The following NBEAL2 variants were observed in gnomAD, a reference collection of about 807,000 sequenced individuals.
NBEAL2 encodes neurobeachin-like protein 2.
A neutral mutation model predicts 299.8 loss-of-function variants in NBEAL2; 160 were observed. That is an observed-to-expected ratio of 0.53 (90% CI 0.47 to 0.61). The LOEUF is 0.61. Among genes scored for constraint, NBEAL2 ranks in the 20% least tolerant of loss-of-function variants. NBEAL2 has a pLI of 0.00. For synonymous variants in NBEAL2, 1,493 were observed against 1,542.3 expected, an observed-to-expected ratio of 0.97 and a Z score of 0.75; for missense variants, 3,112 against 3,649.0, an observed-to-expected ratio of 0.85 and a Z score of 3.79.
At chr3:46,985,200 G>C (rs1272707851) in intron 1 of NBEAL2, among the ~76,000 whole-genome samples, 1 of 152,196 alleles carries the variant, frequency 6.6e-6, no homozygotes, top group Non-Finnish European at 1.5e-5. Context: ...GCGGGTTTGG[G>C]GTATGGAGGC....
At position 47,002,192 on chromosome 3, in the gene NBEAL2, G is replaced by A; in HGVS notation, c.5055G>A (p.Leu1685=). Residue 1685 remains leucine (L), a synonymous_variant, in exon 31 of 54, where the codon CTG becomes CTA. Coordinates refer to ENST00000450053, the MANE Select transcript of NBEAL2 (RefSeq NM_015175.3). ...AYEPLGLQWG[L]PSLPPTNGSP... is the part of the protein sequence containing the mutation. ...AGCCGCTGGGGCTGCAGTGGGGACT[G>A]CCCTCCCTGCCACCCACCAATGGCA... The A allele has an allele frequency of 6.6e-7, 1 of 1,524,132 alleles. No individual in the cohort carries two copies. Among genetic ancestry groups the A allele is most frequent in the South Asian group, 1.2e-5 (1 of 81,400 alleles). The allele number at this position is 1,524,132 out of a possible 1,614,324, so 94.4% of individuals were successfully genotyped here. A position where few individuals can be genotyped will look rare whatever the true frequency, so the allele number is the denominator to read the frequency against.
chr3:46,986,894 C>T (rs2035706869), intron 1 of NBEAL2, among the ~76,000 whole-genome samples: 1 of 152,192 alleles, frequency 6.6e-6, no homozygotes, highest in African/African-American at 2.4e-5. Context: ...CCCTGGCCAC[C>T]TCTGCTGTCT....
Position 46,988,842 on chromosome 3 carries a change from G to A in NBEAL2, c.141G>A (p.Arg47=), listed in dbSNP as rs1206777342. ...ACCCGTGTCTCCCCTTTCCTTGCAG[G>A]CCAGAGGAGGCAGGTGCAGAGGTCC... ...SISLSSLEPR[R]PEEAGAEVPL... The change falls in exon 3 of 54, where the codon AGG becomes AGA. Residue 47 remains arginine, a splice_region_variant and synonymous_variant. Coordinates refer to ENST00000450053, the MANE Select transcript of NBEAL2 (RefSeq NM_015175.3). This position sits in a 1 kb window ranked among gnomAD's most constrained non-coding sequence, Gnocchi z 4.4. 6.2e-7 allele frequency: 1 copy of A among 1,606,350 alleles called. No individual in the cohort carries two copies.
chr3:46,991,906 A>G lies in NBEAL2; in HGVS notation c.992A>G (p.Asn331Ser), dbSNP rs750729127. The G allele has an allele frequency of 1.2e-6, 2 of 1,603,910 alleles. No individual in the cohort carries two copies. The highest frequency in any genetic ancestry group is 1.3e-5 in the African/African-American group (1 of 74,706). Residue 331 changes from asparagine to serine, a missense_variant, in exon 9 of 54, where the codon AAT (asparagine) becomes AGT (serine). Asn to Ser is a conservative substitution (Grantham distance 46). Transcript: ENST00000450053. This position sits in a 1 kb window ranked among gnomAD's most constrained non-coding sequence, Gnocchi z 6.2. ...PVLQATFLSNNCFEHLTRLIQ... is the reference protein window; with the variant it reads ...PVLQATFLSNSCFEHLTRLIQ... Reference sequence around the variant, plus strand: ...CTGCAAGCCACCTTCCTCAGCAACAATTGCTTTGAACACCTCACTCGGCTC... The same window carrying G: ...CTGCAAGCCACCTTCCTCAGCAACAGTTGCTTTGAACACCTCACTCGGCTC...
Position 47,003,332 on chromosome 3 carries a change from T to C in NBEAL2, c.5720+23T>C. 6.2e-7 allele frequency: 1 copy of C among 1,604,902 alleles called. No individual in the cohort carries two copies. Among genetic ancestry groups the C allele is most frequent in the Non-Finnish European group, 8.5e-7 (1 of 1,175,656 alleles). ...CCCGTGAGTGGGGCCCTGGAGAGAT[T>C]GGACTGGTGTGGTGGGCAAGGGGTC... On this transcript the variant is annotated intron_variant, in intron 35 of 53. Coordinates refer to ENST00000450053, the MANE Select transcript of NBEAL2 (RefSeq NM_015175.3). This position sits in a 1 kb window ranked among gnomAD's most constrained non-coding sequence, Gnocchi z 7.0.
Position 46,988,540 on chromosome 3 carries a change from CT to C in NBEAL2, c.52-126del. 1.4e-6 allele frequency: 1 copy of C among 720,272 alleles called. No homozygotes were observed. The highest frequency in any genetic ancestry group is 2.4e-6 in the Non-Finnish European group (1 of 421,038). 44.6% of individuals were successfully genotyped at this position (720,272 alleles called of 1,614,324 possible). ...CCCTTCTCCACACCCTCCACTCTGC[CT>C]TTAACCCCTTGTCCATGCCCTCTGT... On this transcript the variant is annotated intron_variant, in intron 1 of 53. Transcript: ENST00000450053. This position sits in a 1 kb window ranked among gnomAD's most constrained non-coding sequence, Gnocchi z 4.4.
chr3:46,996,429 C>T lies in NBEAL2; in HGVS notation c.2310C>T (p.Ser770=), dbSNP rs867290897. ...VPASTGLGWG[S]GLVAPLQEGS... is the part of the protein sequence containing the mutation. ...CCTCCACAGGGCTTGGCTGGGGGTC[C>T]GGGCTGGTGGCCCCCCTGCAGGAGG... The change falls in exon 16 of 54, where the codon TCC becomes TCT. Residue 770 remains serine (S), a synonymous_variant. Transcript: ENST00000450053. 8.1e-6 allele frequency: 13 copies of T among 1,609,548 alleles called. No individual in the cohort carries two copies. The highest frequency in any genetic ancestry group is 6.7e-5 in the East Asian group (3 of 44,798).
chr3:46,984,221 G>A (rs1294889915), intron 1 of NBEAL2, among the ~76,000 whole-genome samples: 1 of 152,128 alleles, frequency 6.6e-6, no homozygotes, highest in Non-Finnish European at 1.5e-5. Context: ...CAGGAGAATG[G>A]TGTGAACCTG....
Position 46,992,630 on chromosome 3 carries a change from G to A in NBEAL2, c.1113+75G>A, listed in dbSNP as rs1275377327. On this transcript the variant is annotated intron_variant, in intron 10 of 53. Transcript: ENST00000450053. Reference sequence around the variant, plus strand: ...TGAGCTTTTCCTGCACTATAGCTGGGGAAATGAGCAGATGTGTGTAAGGCC... The same window carrying A: ...TGAGCTTTTCCTGCACTATAGCTGGAGAAATGAGCAGATGTGTGTAAGGCC... The A allele has an allele frequency of 3.6e-6, 5 of 1,375,046 alleles. No homozygotes were observed. In the Admixed American group the frequency reaches 6.0e-5, roughly 16 times the overall value. 85.2% of individuals were successfully genotyped at this position (1,375,046 alleles called of 1,614,324 possible). A position where few individuals can be genotyped will look rare whatever the true frequency, so the allele number is the denominator to read the frequency against.
rs531947508 is a variant in NBEAL2 at position 46,989,944 on chromosome 3, G to A, written c.556+351G>A. ...GCCTCCACGCATCTCCACCCATCCC[G>A]GAGACACAGGAGGTATCTCCACCTC... On this transcript the variant is annotated intron_variant, in intron 6 of 53. Coordinates refer to ENST00000450053, the MANE Select transcript of NBEAL2 (RefSeq NM_015175.3). This position sits in a 1 kb window ranked among gnomAD's most constrained non-coding sequence, Gnocchi z 5.5. Among the ~76,000 whole-genome samples, 5 of 152,184 alleles carry A rather than the reference G, an allele frequency of 3.3e-5. No individual in the cohort carries two copies. The highest frequency in any genetic ancestry group is 1.2e-4 in the African/African-American group (5 of 41,508).
chr3:46,985,441 A>G (rs2035614942), intron 1 of NBEAL2, among the ~76,000 whole-genome samples: 2 of 152,142 alleles, frequency 1.3e-5, no homozygotes, highest in South Asian at 4.1e-4. Flanking sequence ...CAATGTCACA[A>G]CCACCAGCCC....
At position 47,001,362 on chromosome 3, in the gene NBEAL2, C is replaced by T. The variant is rs775824336; in HGVS notation, c.4568C>T (p.Ala1523Val). Reference protein sequence around the residue: ...VGVLASLTQQALWLLRLLQDF... With the variant: ...VGVLASLTQQVLWLLRLLQDF... ...GTCCTGGCCAGCCTCACCCAGCAAG[C>T]GCTTTGGCTGCTGCGTCTGCTGCAG... The change falls in exon 29 of 54, where the codon GCG (alanine) becomes GTG (valine). Residue 1523 changes from alanine (A) to valine (V), a missense_variant. Ala to Val is a moderately conservative substitution (Grantham distance 64, BLOSUM62 0). This residue lies in a region of NBEAL2 where 2,243 missense variants were observed against 2,538.1 expected (regional missense o/e 0.88). Coordinates refer to ENST00000450053, the MANE Select transcript of NBEAL2 (RefSeq NM_015175.3). The surrounding 1 kb of genome is among the most constrained non-coding windows in gnomAD (Gnocchi z 6.1). The T allele has an allele frequency of 3.1e-6, 5 of 1,613,182 alleles. No homozygotes were observed. Among genetic ancestry groups the T allele is most frequent in the East Asian group, 2.2e-5 (1 of 44,876 alleles).
At chr3:46,980,300 A>G (rs1439198036) in intron 1 of NBEAL2, among the ~76,000 whole-genome samples, 1 of 151,774 alleles carries the variant, frequency 6.6e-6, no homozygotes, top group Non-Finnish European at 1.5e-5. Flanking sequence ...GGGGAGGGGG[A>G]CTCAATTTGT....
rs761462141 is a variant in NBEAL2, at chr3:47,002,961, A to G, written c.5464A>G (p.Thr1822Ala). 1.7e-5 allele frequency: 27 copies of G among 1,612,328 alleles called. No homozygotes were observed. Among genetic ancestry groups the G allele is most frequent in the South Asian group, 7.7e-5 (7 of 91,040 alleles). The change falls in exon 34 of 54, where the codon ACT becomes GCT. Residue 1822 changes from threonine (T) to alanine (A), a missense_variant. Thr to Ala is a moderately conservative substitution (Grantham distance 58). Transcript: ENST00000450053. ...SPCGAWALRD[T>A]PIPRWKLSSA... ...GACCTGGGGGACATTCTGCAGGGAC[A>G]CTCCCATCCCCCGCTGGAAACTGTC...
Position 47,000,356 on chromosome 3 carries a change from G to C in NBEAL2, c.4257G>C (p.Pro1419=). 10 of 1,598,494 alleles carry C rather than the reference G, an allele frequency of 6.3e-6. No homozygotes were observed. Among genetic ancestry groups the C allele is most frequent in the Non-Finnish European group, 6.8e-6 (8 of 1,169,852 alleles). Residue 1419 remains proline (P), a synonymous_variant, in exon 27 of 54, where the codon CCG becomes CCC. Coordinates refer to ENST00000450053, the MANE Select transcript of NBEAL2 (RefSeq NM_015175.3). The surrounding 1 kb of genome is among the most constrained non-coding windows in gnomAD (Gnocchi z 4.5). ...LSNVLEDGSL[P]EPTISGDDTS... is the part of the protein sequence containing the mutation. ...ATGTGCTGGAGGACGGCAGCCTCCCGGAGCCCACCATTAGCGGGGATGATA... is the reference window on the plus strand; with the variant it reads ...ATGTGCTGGAGGACGGCAGCCTCCCCGAGCCCACCATTAGCGGGGATGATA...
chr3:46,991,938 A>T lies in NBEAL2; in HGVS notation c.1024A>T (p.Asn342Tyr). Residue 342 changes from asparagine to tyrosine, a missense_variant, in exon 9 of 54, where the codon AAC (asparagine) becomes TAC (tyrosine). Coordinates refer to ENST00000450053, the MANE Select transcript of NBEAL2 (RefSeq NM_015175.3). The surrounding 1 kb of genome is among the most constrained non-coding windows in gnomAD (Gnocchi z 6.2). ...CFEHLTRLIQ[N>Y]SKLYLQSRAP... is the part of the protein sequence containing the mutation. ...TGAACACCTCACTCGGCTCATTCAGAACAGCAAGGTGGGTAGGGCCCAGCC... is the reference window on the plus strand; with the variant it reads ...TGAACACCTCACTCGGCTCATTCAGTACAGCAAGGTGGGTAGGGCCCAGCC... The T allele has an allele frequency of 6.3e-7, 1 of 1,597,344 alleles. No individual in the cohort carries two copies. Among genetic ancestry groups the T allele is most frequent in the Non-Finnish European group, 8.5e-7 (1 of 1,172,156 alleles).
chr3:46,991,758 T>C lies in NBEAL2; in HGVS notation c.925+70T>C. 1.3e-6 allele frequency: 2 copies of C among 1,564,254 alleles called. No homozygotes were observed. Among genetic ancestry groups the C allele is most frequent in the Non-Finnish European group, 8.7e-7 (1 of 1,154,512 alleles). ...GAAAAGCCTAAGTGATGATGGAAGGTCTGGATAGGGCAGCATAGGAAGGAA... is the reference window on the plus strand; with the variant it reads ...GAAAAGCCTAAGTGATGATGGAAGGCCTGGATAGGGCAGCATAGGAAGGAA... On this transcript the variant is annotated intron_variant, in intron 8 of 53. Transcript: ENST00000450053. This position sits in a 1 kb window ranked among gnomAD's most constrained non-coding sequence, Gnocchi z 6.2.
Position 47,001,394 on chromosome 3 carries a change from C to T in NBEAL2, c.4600C>T (p.Leu1534=), listed in dbSNP as rs762399900. 3.1e-6 allele frequency: 5 copies of T among 1,613,078 alleles called. No individual in the cohort carries two copies. The South Asian group carries it at 5.5e-5, about 18-fold the overall frequency. ...GCTGCTGCGTCTGCTGCAGGACTTC[C>T]TGTGTGCTGAAGGCCATGGTAACCA... is the stretch of plus-strand genomic sequence containing the variant. ...LWLLRLLQDF[L]CAEGHGNQEL... Residue 1534 remains leucine, a synonymous_variant, in exon 29 of 54, where the codon CTG becomes TTG. Coordinates refer to ENST00000450053, the MANE Select transcript of NBEAL2 (RefSeq NM_015175.3). The surrounding 1 kb of genome is among the most constrained non-coding windows in gnomAD (Gnocchi z 6.1).
rs773216199 is a variant in NBEAL2, at chr3:47,009,417, CA to C, written c.*98del. The C allele has an allele frequency of 1.7e-6, 2 of 1,151,668 alleles. No homozygotes were observed. Among genetic ancestry groups the C allele is most frequent in the African/African-American group, 3.2e-5 (2 of 61,744 alleles). 71.3% of individuals were successfully genotyped at this position (1,151,668 alleles called of 1,614,324 possible). Reference sequence around the variant, plus strand: ...CGGGAACACCCCGGGGTGGGCAGCCCAGGGGGGTGAGCGGGGCCCACCCTGC... The same window carrying C: ...CGGGAACACCCCGGGGTGGGCAGCCCGGGGGGTGAGCGGGGCCCACCCTGC... On this transcript the variant is annotated 3_prime_UTR_variant, in exon 54 of 54. Transcript: ENST00000450053.
Sources: allele counts gnomAD v4.1 joint callset (sites outside exome capture counted in the v4.1 genomes callset), GRCh38; gene constraint gnomAD v4.1.1; regional missense constraint gnomAD v4.1.1; non-coding constraint Gnocchi (gnomAD v3.1); transcripts MANE v1.5; gene names NCBI Gene and HGNC (gene_info 2026-07-23, HGNC 2026-07-21).